Variants in EFR3B observed in about 807,000 individuals in gnomAD.
The protein encoded by EFR3B is EFR3 homolog B.
In EFR3B, 64 loss-of-function variants were observed where a neutral mutation model predicts 104.7. The observed-to-expected ratio is 0.61, with a 90% CI of 0.50 to 0.75. The LOEUF is 0.75. EFR3B is among the 30% of genes least tolerant of loss of function. The pLI, the probability that EFR3B is intolerant of heterozygous loss-of-function variation, is 0.00. For synonymous variants in EFR3B, 385 were observed against 417.9 expected (o/e 0.92, Z 0.96); for missense variants, 750 against 1,078.5 (o/e 0.70, Z 4.27).
Position 25,120,645 on chromosome 2 carries a change from AAACAAC to A in EFR3B, c.364-1014_364-1009del, listed in dbSNP as rs113749302. 3.2e-3 allele frequency among the ~76,000 whole-genome samples: 481 copies of A among 151,658 alleles called. 9 individuals carry two copies. Among genetic ancestry groups the A allele is most frequent in the Admixed American group, 0.025 (386 of 15,230 alleles). ...GCGACAGAGCAAGACTCCGTCTCAA[AAACAAC>A]AACAACAACAACAGCAACAAAAGCC... On this transcript the variant is annotated intron_variant, in intron 4 of 22. Coordinates refer to ENST00000403714, the MANE Select transcript of EFR3B (RefSeq NM_014971.2).
intron 1 of EFR3B, among the ~76,000 whole-genome samples, chr2:25,064,056 T>G (rs1168875141): frequency 6.6e-6 from 1 of 152,224 alleles, no homozygotes; most frequent in African/African-American, 2.4e-5. Flanking sequence ...ACCTAGTACT[T>G]GTTTTGCATT....
At chr2:25,138,127 T>G (rs534129874) in intron 15 of EFR3B, among the ~76,000 whole-genome samples, 104 of 152,252 alleles carry the variant, frequency 6.8e-4, no homozygotes, top group African/African-American at 2.5e-3. Context: ...AGCAGAGATT[T>G]CACCACTGCA....
Position 25,131,250 on chromosome 2 carries a change from C to G in EFR3B, c.850-118C>G. On this transcript the variant is annotated intron_variant, in intron 8 of 22. Transcript: ENST00000403714. This position sits in a 1 kb window ranked among gnomAD's most constrained non-coding sequence, Gnocchi z 7.6. Reference sequence around the variant, plus strand: ...CGAGGTGTCAGTGCCAACTGCAGTGCCCGGGGCCTTGGAACGTCCCTTTAG... The same window carrying G: ...CGAGGTGTCAGTGCCAACTGCAGTGGCCGGGGCCTTGGAACGTCCCTTTAG... 1 of 1,374,774 alleles carries G rather than the reference C, an allele frequency of 7.3e-7. No homozygotes were observed. The highest frequency in any genetic ancestry group is 1.4e-5 in the South Asian group (1 of 71,128). 85.2% of individuals were successfully genotyped at this position (1,374,774 alleles called of 1,614,324 possible).
At chr2:25,084,744 G>C (rs1242452845) in intron 1 of EFR3B, among the ~76,000 whole-genome samples, 4 of 152,192 alleles carry the variant, frequency 2.6e-5, no homozygotes, top group African/African-American at 9.6e-5. Context: ...GGCGAAGGCG[G>C]AACGACTCAA....
intron 4 of EFR3B, among the ~76,000 whole-genome samples, chr2:25,117,632 G>A (rs1573214759): frequency 6.6e-6 from 1 of 151,962 alleles, no homozygotes; most frequent in Non-Finnish European, 1.5e-5. Context: ...GGCTGGTCTC[G>A]AACTCCTGAC....
Position 25,121,599 on chromosome 2 carries a change from G to T in EFR3B, c.364-74G>T, listed in dbSNP as rs895496552. The T allele has an allele frequency of 2.9e-5, 45 of 1,533,640 alleles. 1 individual carries two copies. The highest frequency in any genetic ancestry group is 8.6e-5 in the South Asian group (7 of 81,686). On this transcript the variant is annotated intron_variant, in intron 4 of 22. Coordinates refer to ENST00000403714, the MANE Select transcript of EFR3B (RefSeq NM_014971.2). The stretch of plus-strand genomic sequence containing the variant: ...TCCCATGGCTTGACCATGGCAGGGG[G>T]TCTGGGGATGCCCAGCAGTGAGAAG...
chr2:25,100,960 C>G (rs1270885205), intron 3 of EFR3B, among the ~76,000 whole-genome samples: 1 of 152,258 alleles, frequency 6.6e-6, no homozygotes, highest in African/African-American at 2.4e-5. Flanking sequence ...CTAGCTCTAA[C>G]TTCCCTTTCC....
At chr2:25,083,272 G>C (rs974739656) in intron 1 of EFR3B, among the ~76,000 whole-genome samples, 2 of 152,172 alleles carry the variant, frequency 1.3e-5, no homozygotes, top group Non-Finnish European at 2.9e-5. Flanking sequence ...AGTGAAAGAG[G>C]ACCCGTTGGA....
chr2:25,068,993 G>C (rs1306298547), intron 1 of EFR3B, among the ~76,000 whole-genome samples: 3 of 150,078 alleles, frequency 2.0e-5, no homozygotes, highest in Admixed American at 6.7e-5. Context: ...GAATGCAGTG[G>C]CGCGATCTTG....
Position 25,135,559 on chromosome 2 carries a change from A to G in EFR3B, c.1404A>G (p.Ala468=). The part of the protein sequence containing the change: ...RLLSTALMED[A]EIRLFVLEIL... Reference sequence around the variant, plus strand: ...TCTCCACCGCCCTCATGGAGGATGCAGAAATTCGACTCTTTGTTCTAGAGA... The same window carrying G: ...TCTCCACCGCCCTCATGGAGGATGCGGAAATTCGACTCTTTGTTCTAGAGA... The change falls in exon 13 of 23, where the codon GCA becomes GCG. Residue 468 remains alanine, a synonymous_variant. Transcript: ENST00000403714. 6.4e-7 allele frequency: 1 copy of G among 1,552,026 alleles called. No homozygotes were observed. The highest frequency in any genetic ancestry group is 8.7e-7 in the Non-Finnish European group (1 of 1,147,054).
intron 1 of EFR3B, among the ~76,000 whole-genome samples, chr2:25,052,112 C>T (rs1667886949): frequency 6.6e-6 from 1 of 151,468 alleles, no homozygotes; most frequent in Admixed American, 6.6e-5. Flanking sequence ...AGGAGAATCA[C>T]CTGAACCCGG....
At chr2:25,110,442 C>CA (rs1460228719) in intron 4 of EFR3B, among the ~76,000 whole-genome samples, 3 of 152,186 alleles carry the variant, frequency 2.0e-5, no homozygotes, top group Non-Finnish European at 4.4e-5. Context: ...TCAGCTTCTT[C>CA]AGTCTCAAGA....
chr2:25,108,265 T>G lies in EFR3B; in HGVS notation c.363+4478T>G, dbSNP rs183183302. On this transcript the variant is annotated intron_variant, in intron 4 of 22. Transcript: ENST00000403714. ...GCTCCTTACTCACTGGGGATTCACT[T>G]CTGCACACCTGCCTCATTGCATGAT... Among the ~76,000 whole-genome samples, 252 of 152,294 alleles carry G rather than the reference T, an allele frequency of 1.7e-3. 2 individuals are homozygous for G. Among genetic ancestry groups the G allele is most frequent in the African/African-American group, 5.9e-3 (247 of 41,560 alleles).
intron 1 of EFR3B, among the ~76,000 whole-genome samples, chr2:25,043,156 T>A (rs1256721750): frequency 6.6e-6 from 1 of 152,148 alleles, no homozygotes; most frequent in East Asian, 1.9e-4. Flanking sequence ...ACTGCATTCC[T>A]GAGCCTGCAG....
At chr2:25,084,821 G>A (rs1470315594) in intron 1 of EFR3B, among the ~76,000 whole-genome samples, 1 of 152,194 alleles carries the variant, frequency 6.6e-6, no homozygotes, top group African/African-American at 2.4e-5. Context: ...TAGAGTTTCT[G>A]ATTAGCCTCT....
chr2:25,081,465 A>G (rs1668804813), intron 1 of EFR3B: 5 of 1,443,056 alleles, frequency 3.5e-6, no homozygotes, highest in Non-Finnish European at 4.8e-6. Flanking sequence ...ATTTTGCCAC[A>G]TATCCTTTGG....
At chr2:25,073,657 A>G (rs1474949706) in intron 1 of EFR3B, among the ~76,000 whole-genome samples, 4 of 152,098 alleles carry the variant, frequency 2.6e-5, no homozygotes, top group African/African-American at 9.7e-5. Context: ...CCACTATGTA[A>G]TGATTCTCCG....
At position 25,135,618 on chromosome 2, in the gene EFR3B, G is replaced by A. The variant is rs767669556; in HGVS notation, c.1463G>A (p.Arg488His). 1.9e-5 allele frequency: 29 copies of A among 1,551,996 alleles called. No homozygotes were observed. Among genetic ancestry groups the A allele is most frequent in the Middle Eastern group, 3.3e-4 (2 of 6,016 alleles). ...AGTTTCATTGATCGTCATGGCAACC[G>A]CCACAAGTTCTCTACCATCAGGTGA... ...LISFIDRHGN[R>H]HKFSTISTLS... The change falls in exon 13 of 23, where the codon CGC (arginine) becomes CAC (histidine). Residue 488 changes from arginine (R) to histidine (H), a missense_variant. Physicochemically the swap from Arg to His is conservative, Grantham distance 29 (BLOSUM62 0). Coordinates refer to ENST00000403714, the MANE Select transcript of EFR3B (RefSeq NM_014971.2).
intron 3 of EFR3B, among the ~76,000 whole-genome samples, chr2:25,100,375 A>AGC (rs1267072521): frequency 6.6e-6 from 1 of 152,230 alleles, no homozygotes; most frequent in Non-Finnish European, 1.5e-5. Flanking sequence ...CCGTGGTGGC[A>AGC]GCTTTGCTGC....
Sources: allele counts gnomAD v4.1 joint callset (sites outside exome capture counted in the v4.1 genomes callset), GRCh38; gene constraint gnomAD v4.1.1; non-coding constraint Gnocchi (gnomAD v3.1); transcripts MANE v1.5; gene names NCBI Gene and HGNC (gene_info 2026-07-23, HGNC 2026-07-21).